The following RELN variants were observed in gnomAD, a reference collection of about 807,000 sequenced individuals.
RELN encodes the protein reelin.
RELN carries 108 observed loss-of-function variants against 427.6 expected under a neutral mutation model. The observed-to-expected ratio is 0.25, with a 90% confidence interval of 0.22 to 0.30. RELN has a LOEUF of 0.30. RELN is among the 10% of genes least tolerant of loss of function. RELN has a pLI of 1.00. For missense variants in RELN, 3,715 were observed against 4,302.8 expected, an observed-to-expected ratio of 0.86 and a Z score of 3.82; for synonymous variants, 1,524 against 1,513.4, an observed-to-expected ratio of 1.01 and a Z score of -0.16.
intron 11 of RELN, among the ~76,000 whole-genome samples, chr7:103,670,958 T>C (rs1055156970): frequency 6.6e-6 from 1 of 152,084 alleles, no homozygotes; most frequent in Non-Finnish European, 1.5e-5. Flanking sequence ...GAATAAAGCC[T>C]GGCTATAAGA....
At chr7:103,745,713 T>C (rs1790805096) in intron 6 of RELN, among the ~76,000 whole-genome samples, 2 of 149,752 alleles carry the variant, frequency 1.3e-5, no homozygotes, top group African/African-American at 5.0e-5. Flanking sequence ...TTAAAAGGGA[T>C]GTGAAGGACC....
intron 2 of RELN, among the ~76,000 whole-genome samples, chr7:103,898,544 T>C (rs1795012285): frequency 6.6e-6 from 1 of 152,072 alleles, no homozygotes; most frequent in Non-Finnish European, 1.5e-5. Context: ...ACTAAACCAA[T>C]ATACACTAAA....
chr7:103,937,218 A>G (rs1416162129), intron 1 of RELN, among the ~76,000 whole-genome samples: 1 of 152,346 alleles, frequency 6.6e-6, no homozygotes, highest in African/African-American at 2.4e-5. Context: ...TAGAAGAAAG[A>G]AAACCTGGTC....
intron 1 of RELN, among the ~76,000 whole-genome samples, chr7:103,935,981 A>G (rs1485608982): frequency 1.3e-5 from 2 of 151,730 alleles, no homozygotes; most frequent in African/African-American, 4.8e-5. Flanking sequence ...CCTCAACCAC[A>G]CCCATTCCTA....
rs1830458333 is a variant in RELN at position 103,553,578 on chromosome 7, A to C, written c.5970-15T>G. 1.2e-6 allele frequency: 2 copies of C among 1,613,690 alleles called. No individual in the cohort carries two copies. Among genetic ancestry groups the C allele is most frequent in the Non-Finnish European group, 1.7e-6 (2 of 1,179,618 alleles). On this transcript the variant is annotated splice_polypyrimidine_tract_variant and intron_variant, in intron 39 of 64. Transcript: ENST00000428762. ...AATCTTCTTCACTGTTACACAGGAAAACAACCAGGAATCCATTTAGGCAAA... is the reference window on the plus strand; with the variant it reads ...AATCTTCTTCACTGTTACACAGGAACACAACCAGGAATCCATTTAGGCAAA...
intron 1 of RELN, among the ~76,000 whole-genome samples, chr7:103,956,944 AG>A (rs2116778212): frequency 6.6e-6 from 1 of 152,310 alleles, no homozygotes; most frequent in Admixed American, 6.5e-5. Context: ...GGATTCCTTA[AG>A]CCAAAGAGAA....
At chr7:103,937,650 G>C (rs1357533508) in intron 1 of RELN, among the ~76,000 whole-genome samples, 1 of 152,208 alleles carries the variant, frequency 6.6e-6, no homozygotes, top group Non-Finnish European at 1.5e-5. Flanking sequence ...CTCAGCTAAT[G>C]TCCAGGTACT....
intron 20 of RELN, among the ~76,000 whole-genome samples, chr7:103,624,348 G>T (rs1449710039): frequency 6.6e-6 from 1 of 152,106 alleles, no homozygotes; most frequent in African/African-American, 2.4e-5. Context: ...CCTGGGGCTG[G>T]TGTGGAAAAT....
chr7:103,871,195 C>A (rs1794325339), intron 2 of RELN, among the ~76,000 whole-genome samples: 1 of 152,026 alleles, frequency 6.6e-6, no homozygotes, highest in African/African-American at 2.4e-5. Flanking sequence ...AAGTAATTAA[C>A]TGAAGAATTA....
In RELN at chr7:103,549,400, A is replaced by C. The variant is rs137921952; in HGVS notation, c.6302+1667T>G. Among the ~76,000 whole-genome samples, 785 of 152,326 alleles carry C rather than the reference A, an allele frequency of 5.2e-3. 4 individuals carry two copies. Among genetic ancestry groups the C allele is most frequent in the Non-Finnish European group, 9.6e-3 (653 of 68,016 alleles). On this transcript the variant is annotated intron_variant, in intron 41 of 64. Transcript: ENST00000428762. ...AATCATGAGGGCTCCACTTTCATGA[A>C]CTAATTGCCCCCTAAAATGCCCCAT...
chr7:103,760,553 G>C (rs1177147390), intron 4 of RELN, among the ~76,000 whole-genome samples: 1 of 151,978 alleles, frequency 6.6e-6, no homozygotes, highest in East Asian at 1.9e-4. Flanking sequence ...TAAATATGTG[G>C]AGCAGAAAAA....
At chr7:103,797,366 A>G (rs534061810) in intron 3 of RELN, among the ~76,000 whole-genome samples, 1 of 152,084 alleles carries the variant, frequency 6.6e-6, no homozygotes, top group African/African-American at 2.4e-5. Flanking sequence ...TGGCCTCCCA[A>G]AGTAGTGGGA....
chr7:103,688,644 T>C (rs1286029695), intron 10 of RELN, among the ~76,000 whole-genome samples: 1 of 152,070 alleles, frequency 6.6e-6, no homozygotes, highest in African/African-American at 2.4e-5. Flanking sequence ...ATTTGATATA[T>C]TTTTTCTCCA....
intron 1 of RELN, among the ~76,000 whole-genome samples, chr7:103,929,907 T>G (rs77644517): frequency 9.5e-4 from 144 of 152,346 alleles, no homozygotes; most frequent in Admixed American, 3.4e-3. Flanking sequence ...ACTGTCAAAG[T>G]GCCACAAGTG....
intron 1 of RELN, among the ~76,000 whole-genome samples, chr7:103,961,090 G>C (rs921660794): frequency 1.3e-5 from 2 of 152,348 alleles, no homozygotes; most frequent in East Asian, 1.9e-4. Context: ...ATAAAACGTT[G>C]CTTGTGCAAG....
At chr7:103,727,461 A>G (rs111862147) in intron 7 of RELN, among the ~76,000 whole-genome samples, 195 of 152,234 alleles carry the variant, frequency 1.3e-3, no homozygotes, top group Non-Finnish European at 2.2e-3. Flanking sequence ...ACAACAACCA[A>G]AAAAAGGCTC....
intron 24 of RELN, among the ~76,000 whole-genome samples, 170 bp from the exon 25 acceptor site, chr7:103,596,831 C>G (rs78470561): frequency 6.6e-6 from 1 of 152,162 alleles, no homozygotes; most frequent in Non-Finnish European, 1.5e-5. Context: ...GATCCGACTA[C>G]GGTAACTGTT....
chr7:103,834,818 A>G (rs1793360885), intron 2 of RELN, among the ~76,000 whole-genome samples: 1 of 152,226 alleles, frequency 6.6e-6, no homozygotes, highest in African/African-American at 2.4e-5. Flanking sequence ...CTGAGGATGC[A>G]GAGCAAAAGA....
At chr7:103,727,159 T>C (rs575221663) in intron 7 of RELN, among the ~76,000 whole-genome samples, 15 of 152,120 alleles carry the variant, frequency 9.9e-5, no homozygotes, top group South Asian at 4.1e-4. Flanking sequence ...ACAATTTACA[T>C]TGGAAGTCAG....
Sources: gnomAD v4.1 joint callset for allele counts (sites outside exome capture counted in the v4.1 genomes callset) on GRCh38, gnomAD v4.1.1 for gene constraint, MANE v1.5 for transcripts, NCBI Gene and HGNC (gene_info 2026-07-23, HGNC 2026-07-21) for gene names.